Variants in CA8 observed in about 807,000 individuals in gnomAD.
CA8 encodes the protein carbonic anhydrase 8 (inactive), also known as carbonic anhydrase-related protein.
Under a neutral mutation model 41.4 loss-of-function variants are expected in CA8, and 22 were observed. The observed-to-expected ratio is 0.53, with a 90% CI of 0.38 to 0.76. The LOEUF is 0.76. Ranked by LOEUF, CA8 falls within the 30% of genes least tolerant of loss-of-function variation. The probability of loss-of-function intolerance (pLI) is 0.00; values close to 1 mark genes in which losing one functional copy is unlikely to be tolerated. For synonymous variants in CA8, 121 were observed against 130.6 expected (o/e 0.93, Z 0.50); for missense variants, 270 against 352.8 (o/e 0.77, Z 1.88).
intron 3 of CA8, among the ~76,000 whole-genome samples, chr8:60,257,899 C>T (rs533024701): frequency 2.0e-5 from 3 of 152,360 alleles, no homozygotes; most frequent in African/African-American, 7.2e-5. Context: ...ACTGCACAGG[C>T]AGGTTAGGTG....
intron 3 of CA8, chr8:60,232,755 T>C (rs1324602461): frequency 1.5e-5 from 4 of 273,996 alleles, no homozygotes; most frequent in Non-Finnish European, 2.2e-5. Flanking sequence ...AAAGGATGAA[T>C]ACCTGCATAA....
rs761506746 is a variant in CA8 at position 60,281,143 on chromosome 8, G to T, written c.5C>A (p.Ala2Glu). 9 of 1,564,218 alleles carry T rather than the reference G, an allele frequency of 5.8e-6. No individual in the cohort carries two copies. Among genetic ancestry groups the T allele is most frequent in the Non-Finnish European group, 7.8e-6 (9 of 1,156,118 alleles). The change falls in exon 1 of 9, where the codon GCG becomes GAG. Residue 2 changes from alanine to glutamate, a missense_variant. By Grantham distance (107) the Ala-to-Glu change is moderately radical. This residue lies in a region of CA8 where 123 missense variants were observed against 136.8 expected (regional missense o/e 0.90). Coordinates refer to ENST00000317995, the MANE Select transcript of CA8 (RefSeq NM_004056.6). ...GGTATCTTCGATGAAGCTCAGGTCCGCCATGGGAAGGCCGCGGGGCCCCTC... is the reference window on the plus strand; with the variant it reads ...GGTATCTTCGATGAAGCTCAGGTCCTCCATGGGAAGGCCGCGGGGCCCCTC... Reference protein sequence around the residue: MADLSFIEDTVA... With the variant: MEDLSFIEDTVA...
At chr8:60,209,790 T>G (rs1035482676) in intron 7 of CA8, among the ~76,000 whole-genome samples, 3 of 152,300 alleles carry the variant, frequency 2.0e-5, no homozygotes, top group African/African-American at 7.2e-5. Context: ...CAAGTTCATT[T>G]CCCTTTATTA....
intron 3 of CA8, among the ~76,000 whole-genome samples, chr8:60,263,193 T>A (rs1206508423): frequency 6.6e-6 from 1 of 151,988 alleles, no homozygotes; most frequent in Non-Finnish European, 1.5e-5. Context: ...TGTGCTGGCA[T>A]GCACCTATTA....
At chr8:60,258,016 A>G (rs1454112388) in intron 3 of CA8, among the ~76,000 whole-genome samples, 1 of 152,182 alleles carries the variant, frequency 6.6e-6, no homozygotes, top group Non-Finnish European at 1.5e-5. Flanking sequence ...AACAGTTCAT[A>G]TGTTTTAAAT....
chr8:60,268,266 C>A (rs1803962590), intron 2 of CA8, among the ~76,000 whole-genome samples: 1 of 152,016 alleles, frequency 6.6e-6, no homozygotes, highest in Non-Finnish European at 1.5e-5. Context: ...ATTCTTAAAA[C>A]TCCTTCCCCA....
chr8:60,277,082 G>A (rs1156717557), intron 2 of CA8, among the ~76,000 whole-genome samples: 10 of 147,812 alleles, frequency 6.8e-5, no homozygotes, highest in African/African-American at 2.3e-4. Flanking sequence ...ACGCACCATT[G>A]CACTCCAGCC....
intron 7 of CA8, among the ~76,000 whole-genome samples, chr8:60,221,611 T>C (rs1332500801): frequency 6.6e-6 from 1 of 152,124 alleles, no homozygotes; most frequent in Non-Finnish European, 1.5e-5. Flanking sequence ...AACAAATAGA[T>C]GAATGACTAA....
At chr8:60,213,749 T>C (rs899515292) in intron 7 of CA8, among the ~76,000 whole-genome samples, 1 of 151,472 alleles carries the variant, frequency 6.6e-6, no homozygotes, top group Non-Finnish European at 1.5e-5. Flanking sequence ...TTTCTTAATT[T>C]CACCTGTTTC....
chr8:60,224,956 T>C (rs1807376168), intron 5 of CA8, among the ~76,000 whole-genome samples: 1 of 151,892 alleles, frequency 6.6e-6, no homozygotes. Flanking sequence ...ATTTTCAAAA[T>C]GCCTTTCCTC....
At chr8:60,213,766 C>T (rs1266690159) in intron 7 of CA8, among the ~76,000 whole-genome samples, 1 of 145,068 alleles carries the variant, frequency 6.9e-6, no homozygotes, top group African/African-American at 2.5e-5. Flanking sequence ...TTTCTTTTGA[C>T]TTTTTTTTTT....
chr8:60,246,347 C>T (rs2130536739), intron 3 of CA8, among the ~76,000 whole-genome samples: 1 of 152,262 alleles, frequency 6.6e-6, no homozygotes, highest in East Asian at 1.9e-4. Context: ...GGCCAGAATG[C>T]AGTGGCATGA....
intron 4 of CA8, 50 bp from the exon 5 acceptor site, chr8:60,226,985 G>C: frequency 7.4e-7 from 1 of 1,344,554 alleles, no homozygotes; most frequent in Non-Finnish European, 1.1e-6. Context: ...TCAGTGTTTA[G>C]CTTTAACTAA....
chr8:60,266,099 C>A, intron 2 of CA8, 50 bp from the exon 3 acceptor site: 3 of 1,561,766 alleles, frequency 1.9e-6, no homozygotes, highest in South Asian at 2.3e-5. Context: ...TTTACCTCAG[C>A]ATTATAAACA....
At chr8:60,237,182 T>C (rs978188165) in intron 3 of CA8, among the ~76,000 whole-genome samples, 8 of 152,230 alleles carry the variant, frequency 5.3e-5, no homozygotes, top group African/African-American at 1.9e-4. Flanking sequence ...CCTACAACTC[T>C]TTAGCTCTGT....
intron 7 of CA8, among the ~76,000 whole-genome samples, chr8:60,221,610 A>T (rs1807253803): frequency 6.6e-6 from 1 of 152,230 alleles, no homozygotes; most frequent in South Asian, 2.1e-4. Flanking sequence ...GAACAAATAG[A>T]TGAATGACTA....
chr8:60,197,886 T>C (rs753659455), intron 8 of CA8, among the ~76,000 whole-genome samples: 3 of 152,112 alleles, frequency 2.0e-5, no homozygotes, highest in South Asian at 2.1e-4. Flanking sequence ...TATTGAACAA[T>C]TGGTTAAAAA....
intron 8 of CA8, among the ~76,000 whole-genome samples, chr8:60,192,937 GCACACACACACACA>G (rs377257462): frequency 1.3e-4 from 18 of 140,770 alleles, no homozygotes; most frequent in Admixed American, 3.5e-4. Context: ...TCAACATCAT[GCACACACACACACA>G]CACACACACA....
intron 7 of CA8, among the ~76,000 whole-genome samples, chr8:60,218,152 G>A (rs1807089077): frequency 6.6e-6 from 1 of 152,108 alleles, no homozygotes; most frequent in South Asian, 2.1e-4. Flanking sequence ...CTTTTCCCCT[G>A]TTGGCAATTC....
Sources: allele counts gnomAD v4.1 joint callset (sites outside exome capture counted in the v4.1 genomes callset), GRCh38; gene constraint gnomAD v4.1.1; regional missense constraint gnomAD v4.1.1; transcripts MANE v1.5; gene names NCBI Gene and HGNC (gene_info 2026-07-23, HGNC 2026-07-21).